Variants in KALRN observed in about 807,000 individuals in gnomAD.
KALRN encodes kalirin RhoGEF kinase, also known as kalirin.
A neutral mutation model predicts 353.7 loss-of-function variants in KALRN; 70 were observed. The observed-to-expected ratio is 0.20, with a 90% CI of 0.16 to 0.24. The LOEUF is 0.24. Among genes scored for constraint, KALRN ranks in the 10% least tolerant of loss-of-function variants. The pLI is 1.00. For synonymous variants in KALRN, 1,391 were observed against 1,434.8 expected (o/e 0.97, Z 0.69); for missense variants, 2,791 against 3,756.7 (o/e 0.74, Z 6.72).
At chr3:124,101,103 A>G (rs780960598) in intron 1 of KALRN, among the ~76,000 whole-genome samples, 4 of 152,238 alleles carry the variant, frequency 2.6e-5, no homozygotes, top group Non-Finnish European at 5.9e-5. Flanking sequence ...GATACACCTC[A>G]TGCAACTGTC....
chr3:124,262,402 G>T (rs970458585), intron 3 of KALRN, among the ~76,000 whole-genome samples: 2 of 152,168 alleles, frequency 1.3e-5, no homozygotes, highest in East Asian at 3.8e-4. Context: ...TAATTATCAG[G>T]TGTTTCTCTT....
chr3:124,637,842 A>T (rs2081538932), intron 37 of KALRN, among the ~76,000 whole-genome samples: 2 of 152,154 alleles, frequency 1.3e-5, no homozygotes. Context: ...TGGGGGGAAA[A>T]ACTGAACATA....
At chr3:124,504,675 T>C (rs1285034207) in intron 33 of KALRN, 1 of 365,874 alleles carries the variant, frequency 2.7e-6, no homozygotes, top group South Asian at 2.1e-5. Flanking sequence ...GGGAGTGTGA[T>C]TCTGCCCTAG....
At chr3:124,284,680 G>A (rs938915402) in intron 5 of KALRN, among the ~76,000 whole-genome samples, 1 of 152,168 alleles carries the variant, frequency 6.6e-6, no homozygotes, top group Non-Finnish European at 1.5e-5. Context: ...TCTGGAATAC[G>A]AGTGCTCAAT....
At chr3:124,305,596 C>T (rs72976546) in intron 6 of KALRN, among the ~76,000 whole-genome samples, 1,961 of 152,304 alleles carry the variant, frequency 0.013, 47 homozygotes, top group African/African-American at 0.043. Flanking sequence ...AATCAGAGCA[C>T]TGCCAAAGCC....
intron 1 of KALRN, among the ~76,000 whole-genome samples, chr3:124,042,437 G>A (rs1173868861): frequency 6.6e-6 from 1 of 152,208 alleles, no homozygotes; most frequent in Admixed American, 6.5e-5. Context: ...GAGTAGGGGA[G>A]GGACTGTTGG....
At chr3:124,164,209 AT>A (rs2070453553) in intron 1 of KALRN, 1 of 154,564 alleles carries the variant, frequency 6.5e-6, no homozygotes, top group Non-Finnish European at 1.4e-5. Flanking sequence ...ATAGTTGACC[AT>A]TGTTGCTGTA....
intron 1 of KALRN, chr3:124,152,592 T>C: frequency 1.9e-5 from 1 of 53,486 alleles, no homozygotes; most frequent in Non-Finnish European, 5.1e-5. Context: ...TTTCTTTCTT[T>C]CTTTTTTTTT....
chr3:124,286,739 T>G (rs964351010), intron 5 of KALRN, among the ~76,000 whole-genome samples: 3 of 152,232 alleles, frequency 2.0e-5, no homozygotes, highest in Non-Finnish European at 4.4e-5. Context: ...TTAATCCATT[T>G]TGTCCCTTCC....
At chr3:124,438,767 TCAGA>T in intron 17 of KALRN, 117 bp from the exon 18 acceptor site, 2 of 790,392 alleles carry the variant, frequency 2.5e-6, no homozygotes, top group Non-Finnish European at 1.9e-6. Flanking sequence ...CTTAGATGTC[TCAGA>T]GGCATTAAAC....
intron 1 of KALRN, among the ~76,000 whole-genome samples, chr3:124,174,714 C>T (rs745815121): frequency 6.6e-6 from 1 of 152,210 alleles, no homozygotes; most frequent in Non-Finnish European, 1.5e-5. Flanking sequence ...GCCAACTCCT[C>T]TCCCCCTACA....
chr3:124,408,747 G>T (rs992336977), intron 13 of KALRN, among the ~76,000 whole-genome samples: 4 of 148,576 alleles, frequency 2.7e-5, no homozygotes, highest in African/African-American at 9.7e-5. Flanking sequence ...GGTGAATTTT[G>T]ATTCAGGCAG....
chr3:124,492,068 C>A (rs1387160880), intron 31 of KALRN, among the ~76,000 whole-genome samples: 1 of 152,100 alleles, frequency 6.6e-6, no homozygotes, highest in Non-Finnish European at 1.5e-5. Context: ...TCCCAGCAGT[C>A]ATTTGCTTGT....
chr3:124,631,617 T>C (rs1018679822), intron 34 of KALRN, among the ~76,000 whole-genome samples: 2 of 152,202 alleles, frequency 1.3e-5, no homozygotes, highest in African/African-American at 4.8e-5. Context: ...ACCCTACTTC[T>C]AAACCACCAA....
At chr3:124,608,456 G>T (rs530134106) in intron 34 of KALRN, among the ~76,000 whole-genome samples, 7 of 152,166 alleles carry the variant, frequency 4.6e-5, no homozygotes, top group Non-Finnish European at 1.0e-4. Flanking sequence ...GATAAGTAGA[G>T]GGCAGCTGAA....
At chr3:124,562,155 T>C (rs747261145) in intron 33 of KALRN, among the ~76,000 whole-genome samples, 1 of 152,198 alleles carries the variant, frequency 6.6e-6, no homozygotes, top group Non-Finnish European at 1.5e-5. Context: ...CCCCAGTGCC[T>C]GAGCCTTTGA....
At chr3:124,653,737 A>G (rs924386027) in intron 38 of KALRN, among the ~76,000 whole-genome samples, 1 of 152,260 alleles carries the variant, frequency 6.6e-6, no homozygotes, top group African/African-American at 2.4e-5. Flanking sequence ...GGTTCTAACC[A>G]GTAGCTGAAA....
chr3:124,185,628 C>T (rs1471325060), intron 1 of KALRN, among the ~76,000 whole-genome samples: 2 of 152,204 alleles, frequency 1.3e-5, no homozygotes, highest in South Asian at 2.1e-4. Flanking sequence ...TTGTTCCTTC[C>T]TGTTCCTCTG....
chr3:124,646,931 C>A (rs940068879), intron 37 of KALRN, among the ~76,000 whole-genome samples: 7 of 151,906 alleles, frequency 4.6e-5, no homozygotes, highest in African/African-American at 1.7e-4. Flanking sequence ...AGACATTGTC[C>A]CAAATTATGA....
Sources: gnomAD v4.1 joint callset for allele counts (sites outside exome capture counted in the v4.1 genomes callset) on GRCh38, gnomAD v4.1.1 for gene constraint, MANE v1.5 for transcripts, NCBI Gene and HGNC (gene_info 2026-07-23, HGNC 2026-07-21) for gene names.